The following DOCK6 variants were observed in gnomAD, a reference collection of about 807,000 sequenced individuals.
DOCK6 encodes dedicator of cytokinesis protein 6.
Under a neutral mutation model 230.3 loss-of-function variants are expected in DOCK6, and 167 were observed. The observed-to-expected ratio is 0.73, with a 90% CI of 0.64 to 0.82. DOCK6 has a LOEUF of 0.82. DOCK6 is among the 40% of genes least tolerant of loss of function. The probability of loss-of-function intolerance (pLI) is 0.00; values close to 1 mark genes in which losing one functional copy is unlikely to be tolerated. For missense variants in DOCK6, 2,598 were observed against 2,825.8 expected (o/e 0.92, Z 1.83); for synonymous variants, 1,148 against 1,185.0 (o/e 0.97, Z 0.64).
At chr19:11,215,654 G>A (rs2079473645) in intron 31 of DOCK6, 147 bp downstream of exon 31, 9 of 1,393,478 alleles carry the variant, frequency 6.5e-6, no homozygotes, top group Middle Eastern at 1.9e-4. Context: ...ACGCACAGGC[G>A]CATGTGTACG....
At chr19:11,255,534 G>C (rs185078046) in intron 1 of DOCK6, among the ~76,000 whole-genome samples, 1 of 152,084 alleles carries the variant, frequency 6.6e-6, no homozygotes, top group East Asian at 1.9e-4. Flanking sequence ...GGCTGGTCTC[G>C]AACTCCTGAG....
At position 11,202,272 on chromosome 19, in the gene DOCK6, G is replaced by T; in HGVS notation, c.5451+122C>A. On this transcript the variant is annotated intron_variant, in intron 43 of 47. Transcript: ENST00000294618. The surrounding 1 kb of genome is among the most constrained non-coding windows in gnomAD (Gnocchi z 5.3). ...GGGAATCCCCTGAGGAATAGGTTTT[G>T]GGGTCCCTCAGTGAAATATGATTTG... The T allele has an allele frequency of 7.2e-7, 1 of 1,397,040 alleles. No homozygotes were observed. Among genetic ancestry groups the T allele is most frequent in the Non-Finnish European group, 9.9e-7 (1 of 1,014,042 alleles). The allele number at this position is 1,397,040 out of a possible 1,614,324, so 86.5% of individuals were successfully genotyped here.
chr19:11,209,009 C>T lies in DOCK6; in HGVS notation c.4846G>A (p.Ala1616Thr). 6.2e-7 allele frequency: 1 copy of T among 1,611,494 alleles called. No individual in the cohort carries two copies. The highest frequency in any genetic ancestry group is 8.5e-7 in the Non-Finnish European group (1 of 1,179,080). The change falls in exon 38 of 48, where the codon GCC becomes ACC. Residue 1616 changes from alanine to threonine, a missense_variant. Coordinates refer to ENST00000294618, the MANE Select transcript of DOCK6 (RefSeq NM_020812.4). Reference protein sequence around the residue: ...KHAELGNHAEAAQCMVHAAAL... With the variant: ...KHAELGNHAETAQCMVHAAAL... The stretch of plus-strand genomic sequence containing the variant: ...GCCGCGTGCACCATGCACTGGGCGG[C>T]CTCGGCGTGGTTGCCCAGCTCCGCG...
rs778023627 is a variant in DOCK6, at chr19:11,236,892, G to C, written c.2074-13C>G. On this transcript the variant is annotated splice_polypyrimidine_tract_variant and intron_variant, in intron 18 of 47. Coordinates refer to ENST00000294618, the MANE Select transcript of DOCK6 (RefSeq NM_020812.4). This position sits in a 1 kb window ranked among gnomAD's most constrained non-coding sequence, Gnocchi z 5.2. ...CCGGAAGCGCCACCTGTGGGAGGGA[G>C]GCACCAGGTGGGCACTGGTCAGCCC... 2 of 1,549,762 alleles carry C rather than the reference G, an allele frequency of 1.3e-6. No homozygotes were observed. Among genetic ancestry groups the C allele is most frequent in the Non-Finnish European group, 1.7e-6 (2 of 1,146,730 alleles).
At chr19:11,229,594 T>G (rs2079730937) in intron 22 of DOCK6, among the ~76,000 whole-genome samples, 1 of 150,698 alleles carries the variant, frequency 6.6e-6, no homozygotes, top group African/African-American at 2.4e-5. Flanking sequence ...TGGGCCGGCG[T>G]GGGTTGGGAG....
intron 1 of DOCK6, among the ~76,000 whole-genome samples, chr19:11,259,465 C>T (rs1460115279): frequency 6.6e-6 from 1 of 150,798 alleles, no homozygotes; most frequent in Non-Finnish European, 1.5e-5. Flanking sequence ...AGATGTTTAC[C>T]TGAAATTTCA....
rs1028303400 is a variant in DOCK6, at chr19:11,209,185, C to G, written c.4752-82G>C. 4.9e-5 allele frequency: 73 copies of G among 1,494,102 alleles called. No homozygotes were observed. In the East Asian group the frequency reaches 1.7e-3, roughly 35 times the overall value. 92.6% of individuals were successfully genotyped at this position (1,494,102 alleles called of 1,614,324 possible). A position where few individuals can be genotyped will look rare whatever the true frequency, so the allele number is the denominator to read the frequency against. ...GCCTCCCACTTGTCCATTCTCTTCACTGGTTACCCCCATGTCCGCCCCAAG... is the reference window on the plus strand; with the variant it reads ...GCCTCCCACTTGTCCATTCTCTTCAGTGGTTACCCCCATGTCCGCCCCAAG... On this transcript the variant is annotated intron_variant, in intron 37 of 47. Coordinates refer to ENST00000294618, the MANE Select transcript of DOCK6 (RefSeq NM_020812.4).
chr19:11,203,411 C>T (rs1241298661), intron 41 of DOCK6: 2 of 146,164 alleles, frequency 1.4e-5, no homozygotes, highest in Non-Finnish European at 2.9e-5. Context: ...AACACTGCCC[C>T]GTGAGAATCA....
intron 39 of DOCK6, chr19:11,208,378 T>G: frequency 5.2e-6 from 1 of 190,572 alleles, no homozygotes; most frequent in South Asian, 1.4e-4. Flanking sequence ...CCTCCCTGGG[T>G]CAAGCGATTC....
rs751754114 is a variant in DOCK6 at position 11,217,099 on chromosome 19, G to C, written c.3712-3C>G. On this transcript the variant is annotated splice_polypyrimidine_tract_variant and splice_region_variant and intron_variant, in intron 29 of 47. Transcript: ENST00000294618. ...AGGGCACAGCCTGCGCGAGAAGCCT[G>C]GGGCCAGAGAGGAATCAAAGTCAAT... 2.0e-5 allele frequency: 32 copies of C among 1,609,848 alleles called. No homozygotes were observed. Among genetic ancestry groups the C allele is most frequent in the Non-Finnish European group, 2.6e-5 (31 of 1,178,304 alleles).
intron 1 of DOCK6, among the ~76,000 whole-genome samples, chr19:11,256,088 C>G (rs1315744292): frequency 6.6e-6 from 1 of 152,090 alleles, no homozygotes; most frequent in Non-Finnish European, 1.5e-5. Context: ...TTGCCCGGCC[C>G]CATTTTTGCT....
At chr19:11,238,742 G>C (rs183948307) in intron 14 of DOCK6, 1 of 171,594 alleles carries the variant, frequency 5.8e-6, no homozygotes, top group Non-Finnish European at 1.3e-5. Context: ...TTCTCAGGTG[G>C]GGAAACTGAG....
intron 41 of DOCK6, 177 bp downstream of exon 41, chr19:11,203,904 T>TG: frequency 3.0e-6 from 2 of 659,638 alleles, no homozygotes; most frequent in South Asian, 4.4e-5. Context: ...GGGCGGGGGG[T>TG]GGGGGCATTT....
At chr19:11,212,377 G>A (rs1405917531) in intron 35 of DOCK6, among the ~76,000 whole-genome samples, 2 of 152,136 alleles carry the variant, frequency 1.3e-5, no homozygotes, top group East Asian at 3.9e-4. Flanking sequence ...GAGTAGCTGG[G>A]ACTGCAGGCA....
chr19:11,236,175 C>T lies in DOCK6; in HGVS notation c.2392+171G>A, dbSNP rs546224642. 1.6e-4 allele frequency: 117 copies of T among 714,060 alleles called. 1 individual carries two copies. The highest frequency in any genetic ancestry group is 1.4e-4 in the Non-Finnish European group (61 of 443,566). 44.2% of individuals were successfully genotyped at this position (714,060 alleles called of 1,614,324 possible). A position where few individuals can be genotyped will look rare whatever the true frequency, so the allele number is the denominator to read the frequency against. On this transcript the variant is annotated intron_variant, in intron 20 of 47. Coordinates refer to ENST00000294618, the MANE Select transcript of DOCK6 (RefSeq NM_020812.4). The surrounding 1 kb of genome is among the most constrained non-coding windows in gnomAD (Gnocchi z 5.2). ...GATGACAGGCGTGAACCGCTGCACC[C>T]GGGCCAAAGGGTCACAGAAGACCTT...
chr19:11,205,092 G>C (rs1424485534), intron 39 of DOCK6, among the ~76,000 whole-genome samples: 1 of 152,184 alleles, frequency 6.6e-6, no homozygotes, highest in Admixed American at 6.5e-5. Flanking sequence ...CACCCCCAGC[G>C]GGTGCTGGCA....
chr19:11,234,461 T>G (rs1037925709), intron 21 of DOCK6, among the ~76,000 whole-genome samples: 3 of 150,344 alleles, frequency 2.0e-5, no homozygotes, highest in Admixed American at 2.0e-4. Flanking sequence ...AAAAAAACCC[T>G]GAGAATAATG....
chr19:11,253,820 G>A lies in DOCK6; in HGVS notation c.45-94C>T, dbSNP rs568636488. 23 of 880,678 alleles carry A rather than the reference G, an allele frequency of 2.6e-5. No individual in the cohort carries two copies. The African/African-American group carries it at 2.9e-4, about 11-fold the overall frequency. 54.6% of individuals were successfully genotyped at this position (880,678 alleles called of 1,614,324 possible). A position where few individuals can be genotyped will look rare whatever the true frequency, so the allele number is the denominator to read the frequency against. Reference sequence around the variant, plus strand: ...ATGAGGAAAATCCAGATTGTGGAACGAAATAAATAGGCCGAGGGCCAAGAG... The same window carrying A: ...ATGAGGAAAATCCAGATTGTGGAACAAAATAAATAGGCCGAGGGCCAAGAG... On this transcript the variant is annotated intron_variant, in intron 1 of 47. Coordinates refer to ENST00000294618, the MANE Select transcript of DOCK6 (RefSeq NM_020812.4).
intron 6 of DOCK6, among the ~76,000 whole-genome samples, chr19:11,248,372 C>T (rs544439203): frequency 1.1e-4 from 17 of 152,192 alleles, no homozygotes; most frequent in African/African-American, 3.9e-4. Context: ...ATATATACTT[C>T]TACTATATAG....
Sources: allele counts gnomAD v4.1 joint callset (sites outside exome capture counted in the v4.1 genomes callset), GRCh38; gene constraint gnomAD v4.1.1; non-coding constraint Gnocchi (gnomAD v3.1); transcripts MANE v1.5; gene names NCBI Gene and HGNC (gene_info 2026-07-23, HGNC 2026-07-21).